Variants in BLTP2 observed in about 807,000 individuals in gnomAD.
BLTP2 encodes U937-associated antigen.
At chr17:28,643,396 C>T in the BLTP2 span, 2 of 1,552,414 alleles carry the variant, frequency 1.3e-6, no homozygotes, top group East Asian at 2.3e-5. Flanking sequence ...CTTTCTCATC[C>T]TTCCTAGAAA....
chr17:28,618,979 T>G, the BLTP2 span: 1 of 1,610,288 alleles, frequency 6.2e-7, no homozygotes, highest in Non-Finnish European at 8.5e-7. Flanking sequence ...CACCTGTAAG[T>G]GGACAGGGGA....
At chr17:28,620,533 C>T in the BLTP2 span, 1 of 1,614,174 alleles carries the variant, frequency 6.2e-7, no homozygotes, top group Non-Finnish European at 8.5e-7. Context: ...CTACATGGAG[C>T]AGCAGGTTGT....
the BLTP2 span, chr17:28,638,392 T>C: frequency 6.2e-7 from 1 of 1,614,108 alleles, no homozygotes; most frequent in South Asian, 1.1e-5. Flanking sequence ...TGATGGATGC[T>C]TTGTGGCCTG....
the BLTP2 span, chr17:28,633,761 AG>A: frequency 2.5e-6 from 4 of 1,612,286 alleles, 1 homozygote; most frequent in South Asian, 4.4e-5. Flanking sequence ...GCTGGGGTAG[AG>A]GAACAAAGGC....
chr17:28,633,928 T>C, the BLTP2 span: 21 of 1,614,014 alleles, frequency 1.3e-5, no homozygotes, highest in South Asian at 2.0e-4. Context: ...AGTGGGGGCA[T>C]GTTCCTCTCC....
At chr17:28,632,309 G>T in the BLTP2 span, 4 of 1,405,874 alleles carry the variant, frequency 2.8e-6, no homozygotes, top group Non-Finnish European at 2.9e-6. Context: ...TCCTTCCCTT[G>T]CTGCAGGTTG....
chr17:28,640,106 ATTT>A, the BLTP2 span: 4 of 1,527,900 alleles, frequency 2.6e-6, no homozygotes, highest in Non-Finnish European at 3.5e-6. Flanking sequence ...AAAAGTAATT[ATTT>A]TTTGGCCAGG....
At chr17:28,640,395 A>T in the BLTP2 span, 1 of 713,116 alleles carries the variant, frequency 1.4e-6, no homozygotes, top group Non-Finnish European at 2.2e-6. Context: ...TCCGTCTCAA[A>T]AATAATAATA....
At chr17:28,643,766 C>G in the BLTP2 span, 1 of 1,133,850 alleles carries the variant, frequency 8.8e-7, no homozygotes, top group East Asian at 2.4e-5. Flanking sequence ...CTTTCATAGC[C>G]ATGTTGCCTT....
chr17:28,616,254 C>T, the BLTP2 span: 1 of 1,596,052 alleles, frequency 6.3e-7, no homozygotes, highest in Non-Finnish European at 8.6e-7. This position sits in a 1 kb window ranked among gnomAD's most constrained non-coding sequence, Gnocchi z 4.8. Context: ...AACTCAGGAC[C>T]CCAAACATCT....
chr17:28,642,102 G>A, the BLTP2 span: 2 of 1,608,404 alleles, frequency 1.2e-6, no homozygotes, highest in Non-Finnish European at 8.5e-7. Context: ...AAGCCTCTAA[G>A]GTGTATGTAA....
At chr17:28,640,488 G>T in the BLTP2 span, 1 of 1,507,822 alleles carries the variant, frequency 6.6e-7, no homozygotes, top group Non-Finnish European at 9.2e-7. Context: ...CAAATACTAG[G>T]CTGGTTACAG....
At chr17:28,644,607 G>C in the BLTP2 span, among the ~76,000 whole-genome samples, 1 of 152,204 alleles carries the variant, frequency 6.6e-6, no homozygotes, top group Non-Finnish European at 1.5e-5. Flanking sequence ...AGACCCGGCA[G>C]CTCGAATGCT....
the BLTP2 span, chr17:28,641,740 T>A: frequency 1.5e-6 from 1 of 685,878 alleles, no homozygotes; most frequent in Non-Finnish European, 2.4e-6. Context: ...CACAAGCAAA[T>A]GCCCTATTTC....
At chr17:28,636,516 C>T in the BLTP2 span, among the ~76,000 whole-genome samples, 1 of 152,144 alleles carries the variant, frequency 6.6e-6, no homozygotes, top group Non-Finnish European at 1.5e-5. Flanking sequence ...TACGTACTTA[C>T]CTACTTCAAA....
At chr17:28,633,023 G>A in the BLTP2 span, 2 of 1,583,920 alleles carry the variant, frequency 1.3e-6, no homozygotes, top group South Asian at 1.2e-5. Context: ...TCATGAAGCT[G>A]GCCCAAGGGC....
At chr17:28,616,272 C>G in the BLTP2 span, 2 of 1,600,918 alleles carry the variant, frequency 1.2e-6, no homozygotes, top group Admixed American at 1.7e-5. This position sits in a 1 kb window ranked among gnomAD's most constrained non-coding sequence, Gnocchi z 4.8. Context: ...TCTCCCTCTT[C>G]TTTTATCCCT....
At chr17:28,616,491 G>A in the BLTP2 span, 1 of 1,614,142 alleles carries the variant, frequency 6.2e-7, no homozygotes, top group Non-Finnish European at 8.5e-7. This position sits in a 1 kb window ranked among gnomAD's most constrained non-coding sequence, Gnocchi z 4.8. Flanking sequence ...CAGCTGCCGA[G>A]GCTTCACCAC....
At chr17:28,638,561 T>C in the BLTP2 span, 6 of 1,613,466 alleles carry the variant, frequency 3.7e-6, no homozygotes, top group South Asian at 5.5e-5. Context: ...CAAAAGGTGG[T>C]GTATCTCCAA....
Sources: allele counts gnomAD v4.1 joint callset (sites outside exome capture counted in the v4.1 genomes callset), GRCh38; gene constraint gnomAD v4.1.1; non-coding constraint Gnocchi (gnomAD v3.1); transcripts MANE v1.5; gene names NCBI Gene and HGNC (gene_info 2026-07-23, HGNC 2026-07-21).